Variants in ELL2 observed in about 807,000 individuals in gnomAD.
ELL2 encodes RNA polymerase II elongation factor ELL2.
A neutral mutation model predicts 72.8 loss-of-function variants in ELL2; 21 were observed. That is an observed-to-expected ratio of 0.29 (90% CI 0.20 to 0.42). ELL2 has a LOEUF of 0.42. Ranked by LOEUF, ELL2 falls within the 10% of genes least tolerant of loss-of-function variation. ELL2 has a pLI of 1.00. For synonymous variants in ELL2, 266 were observed against 283.2 expected (o/e 0.94, Z 0.61); for missense variants, 568 against 772.8 (o/e 0.73, Z 3.14).
At chr5:95,908,435 GA>G (rs1164933148) in intron 4 of ELL2, among the ~76,000 whole-genome samples, 1 of 152,204 alleles carries the variant, frequency 6.6e-6, no homozygotes, top group African/African-American at 2.4e-5. Context: ...AAGGTTTTAT[GA>G]ACAAATGCCT....
At chr5:95,927,794 TACAC>T (rs758116490) in intron 2 of ELL2, among the ~76,000 whole-genome samples, 1 of 89,610 alleles carries the variant, frequency 1.1e-5, no homozygotes, top group Non-Finnish European at 2.0e-5. Flanking sequence ...TATATAGACA[TACAC>T]ACACACATAT....
rs755713546 is a variant in ELL2 at position 95,888,664 on chromosome 5, G to C, written c.*207C>G. The C allele has an allele frequency of 3.1e-5, 12 of 384,952 alleles. No individual in the cohort carries two copies. The highest frequency in any genetic ancestry group is 5.0e-5 in the Non-Finnish European group (11 of 218,710). 23.8% of individuals were successfully genotyped at this position (384,952 alleles called of 1,614,324 possible). A position where few individuals can be genotyped will look rare whatever the true frequency, so the allele number is the denominator to read the frequency against. ...ATTTCTATTAACAAACACAAGTCTT[G>C]GGGGTGGGGTGGTGGGGAGGACCAG... is the stretch of plus-strand genomic sequence containing the variant. On this transcript the variant is annotated 3_prime_UTR_variant, in exon 12 of 12. Transcript: ENST00000237853.
chr5:95,906,475 T>G (rs1749363244), intron 5 of ELL2, 48 bp downstream of exon 5: 1 of 1,520,134 alleles, frequency 6.6e-7, no homozygotes, highest in Non-Finnish European at 8.8e-7. Flanking sequence ...TAAATGAACA[T>G]TTTAACAAGA....
At chr5:95,905,483 C>A (rs1483106084) in intron 5 of ELL2, among the ~76,000 whole-genome samples, 1 of 136,188 alleles carries the variant, frequency 7.3e-6, no homozygotes, top group Non-Finnish European at 1.5e-5. Context: ...ACACACACAC[C>A]CTCATTCTCA....
chr5:95,888,352 C>A lies in ELL2; in HGVS notation c.*519G>T, dbSNP rs1211159350. The A allele has an allele frequency of 6.6e-6, 1 of 152,550 alleles. No individual in the cohort carries two copies. The highest frequency in any genetic ancestry group is 1.5e-5 in the Non-Finnish European group (1 of 68,096). 9.4% of individuals were successfully genotyped at this position (152,550 alleles called of 1,614,324 possible). Reference sequence around the variant, plus strand: ...ACACATACACCTTTCTATTTTTTAACCCTCCAAGACAATGTTTATTTTTTT... The same window carrying A: ...ACACATACACCTTTCTATTTTTTAAACCTCCAAGACAATGTTTATTTTTTT... On this transcript the variant is annotated 3_prime_UTR_variant, in exon 12 of 12. Transcript: ENST00000237853.
chr5:95,940,583 G>A (rs921716617), intron 2 of ELL2, among the ~76,000 whole-genome samples: 23 of 152,246 alleles, frequency 1.5e-4, no homozygotes, highest in East Asian at 1.2e-3. Context: ...TTAGTTATAC[G>A]TCAAATATGC....
chr5:95,885,613 G>A lies in ELL2; in HGVS notation c.*3258C>T. 1 of 152,236 alleles carries A rather than the reference G, an allele frequency of 6.6e-6. No homozygotes were observed. Among genetic ancestry groups the A allele is most frequent in the East Asian group, 1.9e-4 (1 of 5,202 alleles). The allele number at this position is 152,236 out of a possible 1,614,324, so 9.4% of individuals were successfully genotyped here. A position where few individuals can be genotyped will look rare whatever the true frequency, so the allele number is the denominator to read the frequency against. On this transcript the variant is annotated 3_prime_UTR_variant, in exon 12 of 12. Transcript: ENST00000237853. The stretch of plus-strand genomic sequence containing the variant: ...GAAAAGGGTAAGGCATCCAAGCAGA[G>A]TGTCTGAATTGATGGACCACTTTTG...
At chr5:95,940,815 A>G (rs1425013497) in intron 2 of ELL2, among the ~76,000 whole-genome samples, 2 of 152,216 alleles carry the variant, frequency 1.3e-5, no homozygotes, top group Admixed American at 6.5e-5. Context: ...TTAAATTATC[A>G]TGGCTCTCGA....
chr5:95,920,053 G>T (rs542945531), intron 2 of ELL2, among the ~76,000 whole-genome samples: 1 of 152,030 alleles, frequency 6.6e-6, no homozygotes, highest in African/African-American at 2.4e-5. Flanking sequence ...CAGTATTTTT[G>T]AACTTCTTAG....
intron 4 of ELL2, among the ~76,000 whole-genome samples, chr5:95,909,831 G>T (rs1394725802): frequency 6.6e-6 from 1 of 152,160 alleles, no homozygotes; most frequent in Non-Finnish European, 1.5e-5. Flanking sequence ...TCAGTCTAAT[G>T]GCTTTGAGTA....
intron 4 of ELL2, among the ~76,000 whole-genome samples, chr5:95,911,970 G>T (rs1481707096): frequency 6.6e-6 from 1 of 152,186 alleles, no homozygotes; most frequent in Admixed American, 6.5e-5. Context: ...TACAGAGGGA[G>T]GCCAGCTCTT....
At chr5:95,920,304 T>G (rs1405317557) in intron 2 of ELL2, among the ~76,000 whole-genome samples, 1 of 148,024 alleles carries the variant, frequency 6.8e-6, no homozygotes, top group African/African-American at 2.5e-5. Context: ...TATTTATTTA[T>G]TTATTTATTT....
intron 2 of ELL2, among the ~76,000 whole-genome samples, chr5:95,922,127 G>A (rs549968840): frequency 1.3e-5 from 2 of 151,782 alleles, no homozygotes; most frequent in African/African-American, 4.8e-5. Context: ...GCAGTGGCAC[G>A]ATCTCAACTC....
intron 7 of ELL2, among the ~76,000 whole-genome samples, chr5:95,899,591 T>C (rs890691969): frequency 2.6e-5 from 4 of 152,202 alleles, no homozygotes; most frequent in African/African-American, 9.6e-5. Flanking sequence ...AATAATAGTA[T>C]TTAAGTTAAA....
At chr5:95,950,904 GTA>G (rs869036736) in intron 1 of ELL2, among the ~76,000 whole-genome samples, 2,480 of 46,066 alleles carry the variant, frequency 0.054, 48 homozygotes, top group Middle Eastern at 0.089. Flanking sequence ...GTATGTATGT[GTA>G]TATATATATA....
At chr5:95,948,268 A>C (rs1041155726) in intron 1 of ELL2, among the ~76,000 whole-genome samples, 1 of 107,056 alleles carries the variant, frequency 9.3e-6, no homozygotes, top group South Asian at 3.2e-4. Context: ...CGTCTCTACT[A>C]AAAAAACGAA....
chr5:95,889,556 A>T (rs1289421861), intron 10 of ELL2, among the ~76,000 whole-genome samples: 1 of 152,220 alleles, frequency 6.6e-6, no homozygotes, highest in African/African-American at 2.4e-5. Context: ...AACAATATGG[A>T]CAGCTTGATA....
intron 9 of ELL2, among the ~76,000 whole-genome samples, chr5:95,893,998 C>T (rs1748766601): frequency 6.6e-6 from 1 of 152,080 alleles, no homozygotes; most frequent in African/African-American, 2.4e-5. Context: ...ACCTGTAATC[C>T]CAGCACTTTG....
intron 10 of ELL2, 47 bp from the exon 11 acceptor site, chr5:95,889,177 G>A: frequency 7.0e-7 from 1 of 1,434,570 alleles, no homozygotes; most frequent in Non-Finnish European, 9.7e-7. Context: ...CTTCTTTTGT[G>A]TGTGGCAATA....
Sources: allele counts gnomAD v4.1 joint callset (sites outside exome capture counted in the v4.1 genomes callset), GRCh38; gene constraint gnomAD v4.1.1; transcripts MANE v1.5; gene names NCBI Gene and HGNC (gene_info 2026-07-23, HGNC 2026-07-21).